Variants in MLLT10 observed in about 807,000 individuals in gnomAD.
MLLT10 encodes MLLT10 histone lysine methyltransferase DOT1L cofactor.
A neutral mutation model predicts 129.1 loss-of-function variants in MLLT10; 30 were observed. The ratio of observed to expected loss-of-function variants is 0.23; its 90% CI spans 0.17 to 0.32. The LOEUF (loss-of-function observed/expected upper bound fraction) is 0.32. Ranked by LOEUF, MLLT10 falls within the 10% of genes least tolerant of loss-of-function variation. MLLT10 has a pLI of 1.00. For synonymous variants in MLLT10, 490 were observed against 446.4 expected, an observed-to-expected ratio of 1.10 and a Z score of -1.23; for missense variants, 1,119 against 1,268.3, an observed-to-expected ratio of 0.88 and a Z score of 1.79.
intron 8 of MLLT10, among the ~76,000 whole-genome samples, chr10:21,623,418 C>T (rs1335307785): frequency 2.6e-5 from 4 of 152,084 alleles, no homozygotes; most frequent in Non-Finnish European, 4.4e-5. Flanking sequence ...AAGCTCTGTG[C>T]CAGGAATCTG....
intron 9 of MLLT10, among the ~76,000 whole-genome samples, chr10:21,660,535 G>C (rs2050074040): frequency 6.8e-6 from 1 of 146,422 alleles, no homozygotes; most frequent in Non-Finnish European, 1.5e-5. Context: ...AGAAGCACTT[G>C]AACCTGAGAG....
At chr10:21,607,390 G>A (rs889064538) in intron 5 of MLLT10, among the ~76,000 whole-genome samples, 3 of 141,632 alleles carry the variant, frequency 2.1e-5, no homozygotes, top group East Asian at 2.0e-4. Context: ...GCACGATCTC[G>A]TCTCACCACA....
intron 3 of MLLT10, among the ~76,000 whole-genome samples, chr10:21,549,511 C>A (rs1465202890): frequency 2.0e-5 from 3 of 152,070 alleles, no homozygotes; most frequent in Non-Finnish European, 2.9e-5. Flanking sequence ...TCTGTATCAG[C>A]CTTAGCACAT....
At chr10:21,536,571 A>G (rs144051557) in intron 2 of MLLT10, among the ~76,000 whole-genome samples, 4,872 of 152,228 alleles carry the variant, frequency 0.032, 109 homozygotes, top group Non-Finnish European at 0.05. Flanking sequence ...AGTGAGACAC[A>G]TTTTACAAAT....
intron 6 of MLLT10, among the ~76,000 whole-genome samples, chr10:21,614,578 A>G (rs1218892253): frequency 6.6e-6 from 1 of 152,218 alleles, no homozygotes; most frequent in African/African-American, 2.4e-5. Context: ...ACATGTGTAC[A>G]TCTTCATCCT....
intron 4 of MLLT10, among the ~76,000 whole-genome samples, chr10:21,592,441 T>G (rs886345607): frequency 6.8e-6 from 1 of 146,830 alleles, no homozygotes; most frequent in Non-Finnish European, 1.5e-5. Context: ...TTTTCTGTAG[T>G]TTTTTTTTTT....
intron 8 of MLLT10, among the ~76,000 whole-genome samples, chr10:21,640,603 G>A (rs2047910323): frequency 6.6e-6 from 1 of 152,038 alleles, no homozygotes; most frequent in Non-Finnish European, 1.5e-5. Context: ...CATTACAGGA[G>A]AGGAGCCCTG....
In MLLT10 at chr10:21,677,645, A is replaced by T. The variant is rs142697801; in HGVS notation, c.1622-3687A>T. 2.6e-3 allele frequency among the ~76,000 whole-genome samples: 397 copies of T among 152,276 alleles called. 10 individuals are homozygous for T. The highest frequency in any genetic ancestry group is 0.024 in the Admixed American group (370 of 15,300). ...TCTGTACACATTCAGTACAGACTCAATTTTTTCCTCCAAATATTTTCTATA... is the reference window on the plus strand; with the variant it reads ...TCTGTACACATTCAGTACAGACTCATTTTTTTCCTCCAAATATTTTCTATA... On this transcript the variant is annotated intron_variant, in intron 11 of 22. Coordinates refer to ENST00000307729, the MANE Select transcript of MLLT10 (RefSeq NM_001195626.3).
At chr10:21,741,811 T>A in intron 22 of MLLT10, 128 bp from the exon 23 acceptor site, 1 of 888,148 alleles carries the variant, frequency 1.1e-6, no homozygotes. Flanking sequence ...GCAAGTAGCC[T>A]TGCCAACTTG....
intron 13 of MLLT10, among the ~76,000 whole-genome samples, chr10:21,707,987 T>TG (rs1250811457): frequency 1.3e-5 from 2 of 152,236 alleles, no homozygotes. Flanking sequence ...TTCACTCTTG[T>TG]GGTACCTTTT....
chr10:21,635,154 C>T (rs997890710), intron 8 of MLLT10, among the ~76,000 whole-genome samples: 3 of 152,130 alleles, frequency 2.0e-5, no homozygotes, highest in Non-Finnish European at 2.9e-5. Flanking sequence ...GTTTCAGCTG[C>T]GTTTCTCAAA....
At chr10:21,630,713 T>C (rs1480202681) in intron 8 of MLLT10, among the ~76,000 whole-genome samples, 1 of 152,234 alleles carries the variant, frequency 6.6e-6, no homozygotes, top group East Asian at 1.9e-4. Context: ...CTGTGTCCAA[T>C]GCAGGAGTCT....
At chr10:21,625,360 T>G in intron 8 of MLLT10, 1 of 763,660 alleles carries the variant, frequency 1.3e-6, no homozygotes, top group Non-Finnish European at 2.3e-6. Flanking sequence ...ACTTATTTAC[T>G]CTTTGGAGTT....
chr10:21,623,492 G>T (rs2046109455), intron 8 of MLLT10, among the ~76,000 whole-genome samples: 1 of 152,098 alleles, frequency 6.6e-6, no homozygotes, highest in African/African-American at 2.4e-5. Flanking sequence ...GACATCAAAG[G>T]ATTTTTAGAA....
At chr10:21,690,588 A>T (rs1412033014) in intron 13 of MLLT10, among the ~76,000 whole-genome samples, 1 of 152,006 alleles carries the variant, frequency 6.6e-6, no homozygotes, top group Admixed American at 6.6e-5. Flanking sequence ...GAGTTATTTT[A>T]TTTTAAATTC....
At chr10:21,655,626 A>G (rs541526595) in intron 9 of MLLT10, among the ~76,000 whole-genome samples, 8 of 152,282 alleles carry the variant, frequency 5.3e-5, no homozygotes, top group African/African-American at 1.9e-4. Context: ...GCTGTATCCT[A>G]CCCTAATGAT....
chr10:21,557,027 C>T, intron 3 of MLLT10: 2 of 1,452,000 alleles, frequency 1.4e-6, no homozygotes, highest in Non-Finnish European at 1.8e-6. Context: ...TACTAGTCTT[C>T]AGTCTATCCT....
Position 21,742,041 on chromosome 10 carries a change from C to T in MLLT10, c.*58C>T, listed in dbSNP as rs1833743420. 6.7e-7 allele frequency: 1 copy of T among 1,491,594 alleles called. No homozygotes were observed. Among genetic ancestry groups the T allele is most frequent in the Non-Finnish European group, 9.3e-7 (1 of 1,076,740 alleles). 92.4% of individuals were successfully genotyped at this position (1,491,594 alleles called of 1,614,324 possible). ...GCTGTTCTAGCACTTCATCTGGCTG[C>T]CTTTGCAGTCCTTTTACTACAGCTA... On this transcript the variant is annotated 3_prime_UTR_variant, in exon 23 of 23. Transcript: ENST00000307729.
intron 3 of MLLT10, chr10:21,556,569 G>A: frequency 8.3e-7 from 1 of 1,210,218 alleles, no homozygotes; most frequent in Non-Finnish European, 1.2e-6. Context: ...AAGCTTTGCA[G>A]TTTTCTAGGG....
Sources: allele counts gnomAD v4.1 joint callset (sites outside exome capture counted in the v4.1 genomes callset), GRCh38; gene constraint gnomAD v4.1.1; transcripts MANE v1.5; gene names NCBI Gene and HGNC (gene_info 2026-07-23, HGNC 2026-07-21).